The following DCLK2 variants were observed in gnomAD, a reference collection of about 807,000 sequenced individuals.
DCLK2 encodes the protein doublecortin like kinase 2, also known as serine/threonine-protein kinase DCLK2.
DCLK2 carries 31 observed loss-of-function variants against 78.4 expected under a neutral mutation model. That is an observed-to-expected ratio of 0.40 (90% confidence interval 0.30 to 0.53). The LOEUF (loss-of-function observed/expected upper bound fraction) is 0.53, where lower values mean the gene tolerates loss of function less well. DCLK2 is among the 20% of genes least tolerant of loss of function. The pLI, the probability that DCLK2 is intolerant of heterozygous loss-of-function variation, is 0.61. For synonymous variants in DCLK2, 407 were observed against 374.9 expected (o/e 1.09, Z -0.99); for missense variants, 872 against 973.7 (o/e 0.90, Z 1.39).
intron 1 of DCLK2, among the ~76,000 whole-genome samples, chr4:150,089,818 T>A (rs1729919455): frequency 6.6e-6 from 1 of 152,198 alleles, no homozygotes; most frequent in South Asian, 2.1e-4. Context: ...TAAATTGGTG[T>A]TCCCAGTGTG....
chr4:150,201,639 C>T (rs955691589), intron 4 of DCLK2, among the ~76,000 whole-genome samples: 3 of 152,098 alleles, frequency 2.0e-5, no homozygotes, highest in African/African-American at 4.8e-5. Context: ...CTGCAGAGAT[C>T]GCCATCTGCC....
chr4:150,194,570 T>A (rs141844571), intron 3 of DCLK2, among the ~76,000 whole-genome samples: 1,632 of 152,318 alleles, frequency 0.011, 30 homozygotes, highest in African/African-American at 0.037. Flanking sequence ...TTTACCCTAT[T>A]GTCTTAAATT....
chr4:150,100,400 A>AC (rs1730805757), intron 1 of DCLK2, among the ~76,000 whole-genome samples: 1 of 152,204 alleles, frequency 6.6e-6, no homozygotes, highest in African/African-American at 2.4e-5. Context: ...GGATATGTCA[A>AC]CTGTGTAGAA....
At chr4:150,158,534 G>T (rs961631876) in intron 2 of DCLK2, among the ~76,000 whole-genome samples, 4 of 152,150 alleles carry the variant, frequency 2.6e-5, no homozygotes, top group African/African-American at 9.7e-5. Flanking sequence ...GAGTACTGGG[G>T]ATGTAAAGTT....
chr4:150,237,745 T>C (rs986953477), intron 10 of DCLK2, among the ~76,000 whole-genome samples: 11 of 152,200 alleles, frequency 7.2e-5, no homozygotes, highest in Non-Finnish European at 1.5e-4. Context: ...AAAACATCAT[T>C]TTCTAAATTT....
intron 2 of DCLK2, among the ~76,000 whole-genome samples, chr4:150,188,433 A>T (rs955616162): frequency 1.3e-5 from 2 of 152,134 alleles, no homozygotes; most frequent in Non-Finnish European, 2.9e-5. Flanking sequence ...GCAACACTGC[A>T]CTCCAGCCAA....
intron 2 of DCLK2, among the ~76,000 whole-genome samples, chr4:150,134,076 CTTTTTTTTTTT>C (rs768954755): frequency 1.1e-5 from 1 of 94,852 alleles, no homozygotes. Context: ...CGTATAAACT[CTTTTTTTTTTT>C]TTTTTTTTTT....
At chr4:150,121,907 A>C (rs1436992828) in intron 2 of DCLK2, among the ~76,000 whole-genome samples, 1 of 152,378 alleles carries the variant, frequency 6.6e-6, no homozygotes, top group East Asian at 1.9e-4. Context: ...GTCAAAGAGC[A>C]GTAATATTTT....
chr4:150,102,525 T>C lies in DCLK2; in HGVS notation c.469T>C (p.Tyr157His). 1 of 1,614,124 alleles carries C rather than the reference T, an allele frequency of 6.2e-7. No individual in the cohort carries two copies. Among genetic ancestry groups the C allele is most frequent in the East Asian group, 2.2e-5 (1 of 44,880 alleles). Residue 157 changes from tyrosine (Y) to histidine (H), a missense_variant, in exon 2 of 16, where the codon TAC becomes CAC. By Grantham distance (83) the Tyr-to-His change is moderately conservative. Coordinates refer to ENST00000296550, the MANE Select transcript of DCLK2 (RefSeq NM_001040260.4). ...ASNEPFRKVDYTKNINPNWSV... is the reference protein window; with the variant it reads ...ASNEPFRKVDHTKNINPNWSV... ...CAATGAACCATTTCGTAAAGTCGAT[T>C]ACACCAAAAATATTAATCCAAACTG...
intron 1 of DCLK2, among the ~76,000 whole-genome samples, chr4:150,082,380 A>T (rs999860828): frequency 6.6e-6 from 1 of 152,210 alleles, no homozygotes; most frequent in South Asian, 2.1e-4. Context: ...AAACAGTAGG[A>T]TATGAACATT....
At chr4:150,196,049 T>C (rs1739005776) in intron 3 of DCLK2, among the ~76,000 whole-genome samples, 2 of 152,148 alleles carry the variant, frequency 1.3e-5, no homozygotes, top group African/African-American at 4.8e-5. Flanking sequence ...CAGATACGTT[T>C]ATTAGGAGGC....
At chr4:150,129,266 C>G (rs1180071169) in intron 2 of DCLK2, among the ~76,000 whole-genome samples, 7 of 151,928 alleles carry the variant, frequency 4.6e-5, no homozygotes, top group Non-Finnish European at 1.0e-4. Flanking sequence ...TGTTTGAGTG[C>G]CACAGAAAAT....
At chr4:150,171,087 T>A (rs573602019) in intron 2 of DCLK2, among the ~76,000 whole-genome samples, 19 of 152,344 alleles carry the variant, frequency 1.2e-4, no homozygotes, top group Admixed American at 2.6e-4. Context: ...ATGATTTCAA[T>A]GGTAACTTCT....
At chr4:150,163,502 C>G (rs1212949585) in intron 2 of DCLK2, among the ~76,000 whole-genome samples, 2 of 152,136 alleles carry the variant, frequency 1.3e-5, no homozygotes, top group African/African-American at 4.8e-5. Flanking sequence ...GAGTTCAAAG[C>G]CCAGGATCCT....
intron 2 of DCLK2, among the ~76,000 whole-genome samples, chr4:150,163,458 C>A (rs1187704184): frequency 6.6e-6 from 1 of 152,062 alleles, no homozygotes; most frequent in Non-Finnish European, 1.5e-5. Context: ...ATCATTCATT[C>A]CCTTTTTTCT....
At chr4:150,140,161 A>G (rs925724088) in intron 2 of DCLK2, among the ~76,000 whole-genome samples, 5 of 152,234 alleles carry the variant, frequency 3.3e-5, no homozygotes, top group African/African-American at 9.6e-5. Flanking sequence ...AATAAATTTC[A>G]TGGAAACAAT....
intron 2 of DCLK2, among the ~76,000 whole-genome samples, chr4:150,152,650 C>A (rs1221936403): frequency 6.6e-6 from 1 of 152,156 alleles, no homozygotes; most frequent in Non-Finnish European, 1.5e-5. Flanking sequence ...CAATAAATGA[C>A]CCATGTACTG....
chr4:150,250,519 G>T (rs1743692453), intron 15 of DCLK2, among the ~76,000 whole-genome samples: 1 of 151,730 alleles, frequency 6.6e-6, no homozygotes. Flanking sequence ...ACACTCCCAG[G>T]AGCAGGGAAC....
chr4:150,165,760 A>C (rs1027926256), intron 2 of DCLK2, among the ~76,000 whole-genome samples: 4 of 152,206 alleles, frequency 2.6e-5, no homozygotes, highest in African/African-American at 9.6e-5. Context: ...TGTGGTTTGA[A>C]TGTGTCCCCC....
Sources: gnomAD v4.1 joint callset for allele counts (sites outside exome capture counted in the v4.1 genomes callset) on GRCh38, gnomAD v4.1.1 for gene constraint, MANE v1.5 for transcripts, NCBI Gene and HGNC (gene_info 2026-07-23, HGNC 2026-07-21) for gene names.